The following PLEKHA7 variants were observed in gnomAD, a reference collection of about 807,000 sequenced individuals.
PLEKHA7 encodes pleckstrin homology domain containing A7, also known as pleckstrin homology domain-containing family A member 7.
PLEKHA7 carries 104 observed loss-of-function variants against 170.0 expected under a neutral mutation model. The observed-to-expected ratio is 0.61, with a 90% confidence interval of 0.52 to 0.72. PLEKHA7 has a LOEUF of 0.72. Among genes scored for constraint, PLEKHA7 ranks in the 30% least tolerant of loss-of-function variants. The pLI, the probability that PLEKHA7 is intolerant of heterozygous loss-of-function variation, is 0.00. For missense variants in PLEKHA7, 1,615 were observed against 1,671.7 expected (o/e 0.97, Z 0.59); for synonymous variants, 648 against 660.8 (o/e 0.98, Z 0.30).
Position 16,789,234 on chromosome 11 carries a change from T to C in PLEKHA7, c.3219A>G (p.Ala1073=), listed in dbSNP as rs756792088. ...GCTTCATGCGCTCCAGCTGCTCCTC[T>C]GCACTCATCTTGCCTCGCTGGTGAT... ...SGDHQRGKMS[A]EEQLERMKRH... Residue 1073 remains alanine, a synonymous_variant, in exon 23 of 27, where the codon GCA becomes GCG. Coordinates refer to ENST00000531066, the MANE Select transcript of PLEKHA7 (RefSeq NM_001329630.2). The surrounding 1 kb of genome is among the most constrained non-coding windows in gnomAD (Gnocchi z 4.6). The C allele has an allele frequency of 4.3e-6, 7 of 1,613,678 alleles. No individual in the cohort carries two copies. The South Asian group carries it at 7.7e-5, about 18-fold the overall frequency.
At chr11:16,955,232 GT>G (rs1284979373) in intron 3 of PLEKHA7, among the ~76,000 whole-genome samples, 1 of 152,142 alleles carries the variant, frequency 6.6e-6, no homozygotes, top group Admixed American at 6.5e-5. Flanking sequence ...TGAATGAATG[GT>G]TTTTCCTGGA....
chr11:16,997,135 C>G (rs538430426), intron 3 of PLEKHA7, among the ~76,000 whole-genome samples: 50 of 152,224 alleles, frequency 3.3e-4, no homozygotes, highest in African/African-American at 1.1e-3. Flanking sequence ...AAGGTCATTT[C>G]TGTATTCACC....
At chr11:16,828,838 G>C (rs550337781) in intron 9 of PLEKHA7, among the ~76,000 whole-genome samples, 1 of 152,294 alleles carries the variant, frequency 6.6e-6, no homozygotes, top group Non-Finnish European at 1.5e-5. Context: ...CCTGGGACTT[G>C]GGTTGGAGCT....
At chr11:16,855,136 G>GGAACGGGCGTGCACAT in intron 5 of PLEKHA7, 143 bp from the exon 6 acceptor site, 2 of 673,974 alleles carry the variant, frequency 3.0e-6, no homozygotes, top group South Asian at 3.7e-5. Context: ...CAGAAGACAG[G>GGAACGGGCGTGCACAT]GAACGGGCGT....
intron 3 of PLEKHA7, among the ~76,000 whole-genome samples, chr11:16,980,812 G>A (rs561073490): frequency 2.6e-5 from 4 of 152,172 alleles, no homozygotes; most frequent in South Asian, 2.1e-4. Flanking sequence ...GCTTGAACCC[G>A]GGAGGCGGAG....
At chr11:16,955,355 G>A (rs932850380) in intron 3 of PLEKHA7, among the ~76,000 whole-genome samples, 2 of 152,112 alleles carry the variant, frequency 1.3e-5, no homozygotes, top group African/African-American at 4.8e-5. Context: ...GGAATAAACT[G>A]CCCCTGTGTC....
intron 3 of PLEKHA7, among the ~76,000 whole-genome samples, chr11:16,938,747 C>G (rs1860483125): frequency 6.6e-6 from 1 of 152,172 alleles, no homozygotes; most frequent in Admixed American, 6.5e-5. Flanking sequence ...TGCAGTTTAT[C>G]TGCACCTCAT....
In PLEKHA7 at chr11:16,984,104, A is replaced by G. The variant is rs140025874; in HGVS notation, c.221+29885T>C. On this transcript the variant is annotated intron_variant, in intron 3 of 26. Transcript: ENST00000531066. The stretch of plus-strand genomic sequence containing the variant: ...TAAAATAATATTATCATGAAGAACA[A>G]AACTACCATTTAATGAGGGCTTATT... Among the ~76,000 whole-genome samples the G allele has an allele frequency of 4.5e-3, 677 of 152,070 alleles. 4 individuals carry two copies. The highest frequency in any genetic ancestry group is 6.9e-3 in the Non-Finnish European group (466 of 67,974).
At chr11:16,967,171 T>C (rs1862424896) in intron 3 of PLEKHA7, among the ~76,000 whole-genome samples, 1 of 152,236 alleles carries the variant, frequency 6.6e-6, no homozygotes, top group Admixed American at 6.5e-5. Context: ...TTAAACTGGC[T>C]GTTAAATTTC....
At chr11:16,807,249 C>T in intron 13 of PLEKHA7, 1 of 947,016 alleles carries the variant, frequency 1.1e-6, no homozygotes, top group Non-Finnish European at 1.3e-6. Context: ...AAGGCAGATA[C>T]AACAAAACGT....
chr11:16,942,291 C>T (rs1301502653), intron 3 of PLEKHA7, among the ~76,000 whole-genome samples: 1 of 152,216 alleles, frequency 6.6e-6, no homozygotes, highest in Admixed American at 6.5e-5. Context: ...GCAGGAGACG[C>T]CCTGAAGGCC....
At chr11:16,842,870 G>A (rs191173950) in intron 8 of PLEKHA7, among the ~76,000 whole-genome samples, 3 of 152,338 alleles carry the variant, frequency 2.0e-5, no homozygotes, top group South Asian at 2.1e-4. Flanking sequence ...GAGAGGTGGA[G>A]ACAGAATCTC....
Position 17,009,802 on chromosome 11 carries a change from C to A in PLEKHA7, c.221+4187G>T, listed in dbSNP as rs186116577. Reference sequence around the variant, plus strand: ...AGGAGCATACCACCATTAATTTTTTCATTTTTTGTACAGATGAGGCCTCTC... The same window carrying A: ...AGGAGCATACCACCATTAATTTTTTAATTTTTTGTACAGATGAGGCCTCTC... On this transcript the variant is annotated intron_variant, in intron 3 of 26. Transcript: ENST00000531066. 3.0e-3 allele frequency among the ~76,000 whole-genome samples: 452 copies of A among 152,014 alleles called. 7 individuals carry two copies. Among genetic ancestry groups the A allele is most frequent in the Admixed American group, 0.025 (385 of 15,252 alleles).
chr11:16,885,588 AAAGG>A (rs146241657), intron 3 of PLEKHA7, among the ~76,000 whole-genome samples: 25,228 of 151,672 alleles, frequency 0.17, 2,586 homozygotes, highest in Non-Finnish European at 0.24. Flanking sequence ...AAAAAGAACT[AAAGG>A]AAGATGACAA....
chr11:16,887,528 G>GGATT (rs1344894602), intron 3 of PLEKHA7, among the ~76,000 whole-genome samples: 2 of 152,166 alleles, frequency 1.3e-5, no homozygotes, highest in Non-Finnish European at 2.9e-5. Context: ...CCAGTGCCTG[G>GGATT]GATTGCAGGC....
chr11:16,830,726 G>A (rs1851039807), intron 9 of PLEKHA7, among the ~76,000 whole-genome samples: 1 of 152,112 alleles, frequency 6.6e-6, no homozygotes, highest in Non-Finnish European at 1.5e-5. Context: ...AGCCCCCACT[G>A]GGACAGGCAC....
chr11:16,833,750 A>C (rs1851299293), intron 9 of PLEKHA7, among the ~76,000 whole-genome samples: 1 of 152,200 alleles, frequency 6.6e-6, no homozygotes, highest in Non-Finnish European at 1.5e-5. Flanking sequence ...AATGGACTCT[A>C]ATAAAGGACA....
chr11:17,006,891 G>A lies in PLEKHA7; in HGVS notation c.221+7098C>T, dbSNP rs557487409. ...CTACAAAATCCCCAACTGAACATCT[G>A]TCACATTTGGTTCATCCTTCACTCT... On this transcript the variant is annotated intron_variant, in intron 3 of 26. Coordinates refer to ENST00000531066, the MANE Select transcript of PLEKHA7 (RefSeq NM_001329630.2). Among the ~76,000 whole-genome samples the A allele has an allele frequency of 1.1e-3, 160 of 152,282 alleles. 1 individual carries two copies. Among genetic ancestry groups the A allele is most frequent in the African/African-American group, 3.7e-3 (154 of 41,558 alleles).
At chr11:16,941,471 C>A (rs758029503) in intron 3 of PLEKHA7, among the ~76,000 whole-genome samples, 12 of 152,208 alleles carry the variant, frequency 7.9e-5, no homozygotes, top group Non-Finnish European at 1.3e-4. Flanking sequence ...TCAATTTCCC[C>A]TTCTGCCAGC....
Sources: allele counts gnomAD v4.1 joint callset (sites outside exome capture counted in the v4.1 genomes callset), GRCh38; gene constraint gnomAD v4.1.1; non-coding constraint Gnocchi (gnomAD v3.1); transcripts MANE v1.5; gene names NCBI Gene and HGNC (gene_info 2026-07-23, HGNC 2026-07-21).